The following APCDD1L variants were observed in gnomAD, a reference collection of about 807,000 sequenced individuals.
The protein encoded by APCDD1L is protein APCDD1-like.
APCDD1L carries 21 observed loss-of-function variants against 24.2 expected under a neutral mutation model. The observed-to-expected ratio is 0.87, with a 90% CI of 0.61 to 1.25. The LOEUF is 1.25. Among genes scored for constraint, APCDD1L ranks in the 50% most tolerant of loss-of-function variants. APCDD1L has a pLI of 0.00. For missense variants in APCDD1L, 704 were observed against 711.7 expected (o/e 0.99, Z 0.12); for synonymous variants, 321 against 323.6 (o/e 0.99, Z 0.09).
chr20:58,464,495 A>T lies in APCDD1L; in HGVS notation c.741+2611T>A, dbSNP rs1436165096. ...CTGAAGTCTCATGCGTTAATAAACA[A>T]AGCCCCCAGCCAGCAGAATTCACAC... On this transcript the variant is annotated intron_variant, in intron 3 of 3. Coordinates refer to ENST00000371149, the MANE Select transcript of APCDD1L (RefSeq NM_153360.3). Among the ~76,000 whole-genome samples the T allele has an allele frequency of 4.6e-5, 7 of 152,346 alleles. No homozygotes were observed. In the East Asian group the frequency reaches 1.3e-3, roughly 29 times the overall value.
At chr20:58,471,088 C>T (rs1209707389) in intron 1 of APCDD1L, among the ~76,000 whole-genome samples, 5 of 152,318 alleles carry the variant, frequency 3.3e-5, no homozygotes, top group Middle Eastern at 6.8e-3. Context: ...AGACCTTCCA[C>T]GGGCTCATCA....
rs1303658085 is a variant in APCDD1L at position 58,467,174 on chromosome 20, G to T, written c.673C>A (p.His225Asn). Residue 225 changes from histidine to asparagine, a missense_variant, in exon 3 of 4, where the codon CAC becomes AAC. Coordinates refer to ENST00000371149, the MANE Select transcript of APCDD1L (RefSeq NM_153360.3). This position sits in a 1 kb window ranked among gnomAD's most constrained non-coding sequence, Gnocchi z 5.9. ...TGCCGCCTCTCCGCCGGGTCGGTGTGGATGTCCCCCAGGTACAGCTCCTCC... is the reference window on the plus strand; with the variant it reads ...TGCCGCCTCTCCGCCGGGTCGGTGTTGATGTCCCCCAGGTACAGCTCCTCC... ...LVEELYLGDI[H>N]TDPAERRHYR... 6.2e-7 allele frequency: 1 copy of T among 1,607,252 alleles called. No homozygotes were observed.
At chr20:58,490,549 C>CCT (rs1990205896) in intron 1 of APCDD1L, among the ~76,000 whole-genome samples, 1 of 152,240 alleles carries the variant, frequency 6.6e-6, no homozygotes, top group African/African-American at 2.4e-5. Flanking sequence ...CCCAACTCAA[C>CCT]CTCTCTGTAA....
chr20:58,513,860 G>C, intron 1 of APCDD1L: 2 of 1,300,462 alleles, frequency 1.5e-6, no homozygotes, highest in Non-Finnish European at 2.0e-6. Context: ...GGGCTTCCCA[G>C]CCAGGTGGTC....
At chr20:58,464,449 C>G (rs1051371010) in intron 3 of APCDD1L, among the ~76,000 whole-genome samples, 1 of 152,190 alleles carries the variant, frequency 6.6e-6, no homozygotes, top group South Asian at 2.1e-4. Context: ...GGAAATCTTT[C>G]GGGCATCTTT....
intron 3 of APCDD1L, among the ~76,000 whole-genome samples, chr20:58,464,602 AC>A (rs1414488367): frequency 6.6e-6 from 1 of 152,054 alleles, no homozygotes; most frequent in Non-Finnish European, 1.5e-5. Context: ...TTTCTAATTA[AC>A]CCCCAGAGGT....
intron 1 of APCDD1L, among the ~76,000 whole-genome samples, chr20:58,486,321 A>G (rs904568070): frequency 2.6e-5 from 4 of 152,230 alleles, no homozygotes; most frequent in African/African-American, 9.6e-5. Flanking sequence ...CGTTGTTGAA[A>G]TAAGAACTTA....
chr20:58,474,391 A>G (rs1402658684), intron 1 of APCDD1L, among the ~76,000 whole-genome samples: 2 of 152,222 alleles, frequency 1.3e-5, no homozygotes, highest in African/African-American at 4.8e-5. Context: ...CACACCTAGT[A>G]AAATACACCT....
chr20:58,473,606 C>G (rs78740263), intron 1 of APCDD1L, among the ~76,000 whole-genome samples: 3 of 141,114 alleles, frequency 2.1e-5, no homozygotes. Context: ...GCTTCCCCCC[C>G]CACCCCTTCT....
intron 1 of APCDD1L, 90 bp from the exon 2 acceptor site, chr20:58,470,837 A>T (rs1989799206): frequency 1.4e-6 from 2 of 1,461,244 alleles, no homozygotes; most frequent in Admixed American, 4.7e-5. Context: ...GGCCACAGAG[A>T]GCCAGGCAGG....
intron 1 of APCDD1L, among the ~76,000 whole-genome samples, chr20:58,476,459 G>A (rs1351926511): frequency 6.6e-6 from 1 of 152,226 alleles, no homozygotes; most frequent in Non-Finnish European, 1.5e-5. Flanking sequence ...AAAGTTCTGG[G>A]ATTACAGGCG....
At chr20:58,469,580 C>G (rs1989774125) in intron 2 of APCDD1L, among the ~76,000 whole-genome samples, 1 of 152,224 alleles carries the variant, frequency 6.6e-6, no homozygotes, top group Non-Finnish European at 1.5e-5. Context: ...AGCGTCCCCC[C>G]TTCCTGTACC....
In APCDD1L at chr20:58,467,487, C is replaced by G; in HGVS notation, c.360G>C (p.Arg120=). ...VRLRRASWVT[R]GATEADYHLH... ...GGTGGTAGTCGGCCTCGGTGGCTCC[C>G]CGGGTGACCCAGGAGGCCCGGCGCA... The change falls in exon 3 of 4, where the codon CGG becomes CGC. Residue 120 remains arginine (R), a synonymous_variant. Coordinates refer to ENST00000371149, the MANE Select transcript of APCDD1L (RefSeq NM_153360.3). This position sits in a 1 kb window ranked among gnomAD's most constrained non-coding sequence, Gnocchi z 5.9. The G allele has an allele frequency of 6.3e-7, 1 of 1,599,756 alleles. No homozygotes were observed. The highest frequency in any genetic ancestry group is 8.5e-7 in the Non-Finnish European group (1 of 1,173,672).
chr20:58,514,953 G>T lies in APCDD1L; in HGVS notation c.-246C>A, dbSNP rs905959557. 1 of 358,838 alleles carries T rather than the reference G, an allele frequency of 2.8e-6. No individual in the cohort carries two copies. The highest frequency in any genetic ancestry group is 1.5e-4 in the South Asian group (1 of 6,698). 22.2% of individuals were successfully genotyped at this position (358,838 alleles called of 1,614,324 possible). A position where few individuals can be genotyped will look rare whatever the true frequency, so the allele number is the denominator to read the frequency against. On this transcript the variant is annotated 5_prime_UTR_variant, in exon 1 of 4. The change creates a premature stop within an existing upstream ORF in the 5' untranslated region. Coordinates refer to ENST00000371149, the MANE Select transcript of APCDD1L (RefSeq NM_153360.3). ...AGAAGAGGTGGAGACAGCCCCCGGCGAGGCGCGCACACCCGCGCAGCGCGC... is the reference window on the plus strand; with the variant it reads ...AGAAGAGGTGGAGACAGCCCCCGGCTAGGCGCGCACACCCGCGCAGCGCGC...
At position 58,460,655 on chromosome 20, in the gene APCDD1L, A is replaced by C; in HGVS notation, c.*135T>G. On this transcript the variant is annotated 3_prime_UTR_variant, in exon 4 of 4. Coordinates refer to ENST00000371149, the MANE Select transcript of APCDD1L (RefSeq NM_153360.3). The surrounding 1 kb of genome is among the most constrained non-coding windows in gnomAD (Gnocchi z 4.2). ...CCTGAGCCACATGGGACACAGGCAG[A>C]GTTTGGAAGCAGTGGGGCTGTGCAT... The C allele has an allele frequency of 7.8e-6, 9 of 1,159,352 alleles. No homozygotes were observed. Among genetic ancestry groups the C allele is most frequent in the South Asian group, 2.4e-5 (1 of 41,910 alleles). The allele number at this position is 1,159,352 out of a possible 1,614,324, so 71.8% of individuals were successfully genotyped here.
At position 58,497,270 on chromosome 20, in the gene APCDD1L, G is replaced by A. The variant is rs565289883; in HGVS notation, c.49+17389C>T. On this transcript the variant is annotated intron_variant, in intron 1 of 3. Transcript: ENST00000371149. This position sits in a 1 kb window ranked among gnomAD's most constrained non-coding sequence, Gnocchi z 4.3. ...GTTTCAGGGAAGGAAGCTGTAGCACGACTGAAGCCTTAGGCCTGGCCACAG... is the reference window on the plus strand; with the variant it reads ...GTTTCAGGGAAGGAAGCTGTAGCACAACTGAAGCCTTAGGCCTGGCCACAG... Among the ~76,000 whole-genome samples, 7 of 152,204 alleles carry A rather than the reference G, an allele frequency of 4.6e-5. No homozygotes were observed. Among genetic ancestry groups the A allele is most frequent in the African/African-American group, 1.7e-4 (7 of 41,534 alleles).
chr20:58,461,869 A>C lies in APCDD1L; in HGVS notation c.742-315T>G. The C allele has an allele frequency of 6.5e-6, 2 of 307,756 alleles. No individual in the cohort carries two copies. The highest frequency in any genetic ancestry group is 4.3e-5 in the African/African-American group (2 of 46,616). The allele number at this position is 307,756 out of a possible 1,614,324, so 19.1% of individuals were successfully genotyped here. On this transcript the variant is annotated intron_variant, in intron 3 of 3. Transcript: ENST00000371149. The surrounding 1 kb of genome is among the most constrained non-coding windows in gnomAD (Gnocchi z 6.0). ...TGGGCACCAGAGAGAGCTTTCCCGA[A>C]TGCCCCATGTAAGGTGGGCCTCAGG...
At chr20:58,502,634 A>T (rs1452657804) in intron 1 of APCDD1L, among the ~76,000 whole-genome samples, 1 of 152,184 alleles carries the variant, frequency 6.6e-6, no homozygotes, top group Non-Finnish European at 1.5e-5. Flanking sequence ...TTATCTACAA[A>T]CATAGTAAAG....
chr20:58,506,974 G>A (rs1250804633), intron 1 of APCDD1L, among the ~76,000 whole-genome samples: 1 of 152,142 alleles, frequency 6.6e-6, no homozygotes, highest in Admixed American at 6.5e-5. Flanking sequence ...CTTGCTGGCT[G>A]GATGACTTGA....
Sources: gnomAD v4.1 joint callset for allele counts (sites outside exome capture counted in the v4.1 genomes callset) on GRCh38, gnomAD v4.1.1 for gene constraint, Gnocchi (gnomAD v3.1) non-coding constraint, MANE v1.5 for transcripts, NCBI Gene and HGNC (gene_info 2026-07-23, HGNC 2026-07-21) for gene names.